The following WNT6 variants were observed in gnomAD, a reference collection of about 807,000 sequenced individuals.
WNT6 encodes Wnt family member 6.
WNT6 carries 27 observed loss-of-function variants against 33.1 expected under a neutral mutation model. That is an observed-to-expected ratio of 0.82 (90% confidence interval 0.60 to 1.12). WNT6 has a LOEUF of 1.12. Ranked by LOEUF, WNT6 falls within the 50% of genes most tolerant of loss-of-function variation. The pLI, the probability that WNT6 is intolerant of heterozygous loss-of-function variation, is 0.00. For missense variants in WNT6, 494 were observed against 535.3 expected, an observed-to-expected ratio of 0.92 and a Z score of 0.76; for synonymous variants, 249 against 242.8, an observed-to-expected ratio of 1.03 and a Z score of -0.24.
At chr2:218,870,045 C>T (rs1213209062) in intron 1 of WNT6, among the ~76,000 whole-genome samples, 1 of 152,028 alleles carries the variant, frequency 6.6e-6, no homozygotes, top group African/African-American at 2.4e-5. Context: ...CATGGTGAAA[C>T]TTGTCTCTAC....
chr2:218,864,938 A>C (rs1164663527), intron 1 of WNT6, among the ~76,000 whole-genome samples: 1 of 152,174 alleles, frequency 6.6e-6, no homozygotes, highest in Non-Finnish European at 1.5e-5. Flanking sequence ...TCCCCCCTCC[A>C]GGCCTCCCGC....
Position 218,873,767 on chromosome 2 carries a change from C to T in WNT6, c.1020C>T (p.Cys340=). 6.3e-7 allele frequency: 1 copy of T among 1,586,372 alleles called. No individual in the cohort carries two copies. The highest frequency in any genetic ancestry group is 8.5e-7 in the Non-Finnish European group (1 of 1,172,536). Residue 340 remains cysteine (C), a synonymous_variant, in exon 4 of 4, where the codon TGC becomes TGT. Transcript: ENST00000233948. The surrounding 1 kb of genome is among the most constrained non-coding windows in gnomAD (Gnocchi z 6.1). ...RQESVQLEEN[C]LCRFHWCCVV... is the part of the protein sequence containing the mutation. The stretch of plus-strand genomic sequence containing the variant: ...AGAGCGTGCAGCTCGAAGAGAACTG[C>T]CTGTGCCGCTTCCACTGGTGCTGCG...
chr2:218,860,047 C>T lies in WNT6; in HGVS notation c.10C>T (p.Pro4Ser). Residue 4 changes from proline (P) to serine (S), a missense_variant, in exon 1 of 4, where the codon CCC (proline) becomes TCC (serine). Transcript: ENST00000233948. ...CCGTAGGGCGGTCACGATGCTGCCG[C>T]CCTTACCCTCCCGCCTCGGGCTGCT... The part of the protein sequence containing the change: MLP[P>S]LPSRLGLLLL... The T allele has an allele frequency of 2.6e-6, 4 of 1,515,748 alleles. No individual in the cohort carries two copies. The highest frequency in any genetic ancestry group is 3.5e-6 in the Non-Finnish European group (4 of 1,137,724). The allele number at this position is 1,515,748 out of a possible 1,614,324, so 93.9% of individuals were successfully genotyped here.
chr2:218,873,564 G>A lies in WNT6; in HGVS notation c.817G>A (p.Val273Ile). The A allele has an allele frequency of 6.5e-7, 1 of 1,538,504 alleles. No individual in the cohort carries two copies. Among genetic ancestry groups the A allele is most frequent in the Non-Finnish European group, 8.7e-7 (1 of 1,146,280 alleles). ...TNDGKALLPA[V>I]RTLKPPGRAD... ...CGACGGCAAGGCCCTGCTGCCCGCC[G>A]TCCGCACGCTCAAGCCGCCGGGCCG... Residue 273 changes from valine (V) to isoleucine (I), a missense_variant, in exon 4 of 4, where the codon GTC becomes ATC. Val to Ile is a conservative substitution (Grantham distance 29). Coordinates refer to ENST00000233948, the MANE Select transcript of WNT6 (RefSeq NM_006522.4). The surrounding 1 kb of genome is among the most constrained non-coding windows in gnomAD (Gnocchi z 6.1).
chr2:218,860,599 G>C (rs1444014465), intron 1 of WNT6, among the ~76,000 whole-genome samples: 2 of 152,184 alleles, frequency 1.3e-5, no homozygotes, highest in Non-Finnish European at 2.9e-5. Context: ...TGACGACAGA[G>C]GGAATATAAA....
chr2:218,862,134 G>T (rs2106001682), intron 1 of WNT6, among the ~76,000 whole-genome samples: 1 of 152,284 alleles, frequency 6.6e-6, no homozygotes, highest in Admixed American at 6.5e-5. Flanking sequence ...GGGAGTGGGG[G>T]AGGAGGTGAC....
chr2:218,864,006 C>T (rs923708333), intron 1 of WNT6, among the ~76,000 whole-genome samples: 1 of 152,316 alleles, frequency 6.6e-6, no homozygotes, highest in African/African-American at 2.4e-5. Flanking sequence ...CCAGGTCATC[C>T]AGCCTATCCT....
rs536807635 is a variant in WNT6, at chr2:218,867,504, C to T, written c.81-3523C>T. Among the ~76,000 whole-genome samples the T allele has an allele frequency of 6.6e-6, 1 of 152,348 alleles. No individual in the cohort carries two copies. The highest frequency in any genetic ancestry group is 2.1e-4 in the South Asian group (1 of 4,832). ...CCAACCATGGTCCTTGGTAGAGAGA[C>T]CTTGGCGCAGGCCAAGCCGGTTAGA... On this transcript the variant is annotated intron_variant, in intron 1 of 3. Coordinates refer to ENST00000233948, the MANE Select transcript of WNT6 (RefSeq NM_006522.4). The surrounding 1 kb of genome is among the most constrained non-coding windows in gnomAD (Gnocchi z 4.9).
chr2:218,863,779 G>C (rs1336321446), intron 1 of WNT6, among the ~76,000 whole-genome samples: 1 of 152,284 alleles, frequency 6.6e-6, no homozygotes, highest in East Asian at 1.9e-4. Flanking sequence ...AACCTGGGAG[G>C]CTGAGGTTGC....
chr2:218,860,213 C>T, intron 1 of WNT6, 96 bp downstream of exon 1: 3 of 1,188,466 alleles, frequency 2.5e-6, no homozygotes, highest in Non-Finnish European at 3.3e-6. Context: ...CCCGGCTCTA[C>T]CTGCTCTCCG....
At chr2:218,869,317 C>T (rs1308813618) in intron 1 of WNT6, among the ~76,000 whole-genome samples, 1 of 152,192 alleles carries the variant, frequency 6.6e-6, no homozygotes, top group Non-Finnish European at 1.5e-5. Context: ...TCCTGTACCA[C>T]CTCTTCAAGC....
In WNT6 at chr2:218,871,689, G is replaced by T. The variant is rs754124545; in HGVS notation, c.506G>T (p.Trp169Leu). The T allele has an allele frequency of 8.9e-6, 14 of 1,576,552 alleles. No homozygotes were observed. Among genetic ancestry groups the T allele is most frequent in the Non-Finnish European group, 1.2e-5 (14 of 1,162,830 alleles). The stretch of plus-strand genomic sequence containing the variant: ...CCGGAAGGCAGCGCCGCCTGGGAGT[G>T]GGGAGGCTGCGGCGACGACGTGGAC... ...GSPEGSAAWEWGGCGDDVDFG... is the reference protein window; with the variant it reads ...GSPEGSAAWELGGCGDDVDFG... Residue 169 changes from tryptophan to leucine, a missense_variant, in exon 3 of 4, where the codon TGG becomes TTG. Coordinates refer to ENST00000233948, the MANE Select transcript of WNT6 (RefSeq NM_006522.4). This position sits in a 1 kb window ranked among gnomAD's most constrained non-coding sequence, Gnocchi z 6.4.
In WNT6 at chr2:218,871,951, C is replaced by G. The variant is rs539590962; in HGVS notation, c.636+132C>G. 2.7e-5 allele frequency: 22 copies of G among 801,430 alleles called. No individual in the cohort carries two copies. Among genetic ancestry groups the G allele is most frequent in the Middle Eastern group, 8.1e-4 (2 of 2,466 alleles). The allele number at this position is 801,430 out of a possible 1,614,324, so 49.6% of individuals were successfully genotyped here. A position where few individuals can be genotyped will look rare whatever the true frequency, so the allele number is the denominator to read the frequency against. On this transcript the variant is annotated intron_variant, in intron 3 of 3. Coordinates refer to ENST00000233948, the MANE Select transcript of WNT6 (RefSeq NM_006522.4). The surrounding 1 kb of genome is among the most constrained non-coding windows in gnomAD (Gnocchi z 6.4). ...GCGTTAATGTGTGGGGGAGTGCGCACGGGCGGAAAGATGGGCTGCAAGCAT... is the reference window on the plus strand; with the variant it reads ...GCGTTAATGTGTGGGGGAGTGCGCAGGGGCGGAAAGATGGGCTGCAAGCAT...
At position 218,871,113 on chromosome 2, in the gene WNT6, A is replaced by G; in HGVS notation, c.167A>G (p.Gln56Arg). The G allele has an allele frequency of 6.2e-7, 1 of 1,613,752 alleles. No homozygotes were observed. The highest frequency in any genetic ancestry group is 8.5e-7 in the Non-Finnish European group (1 of 1,179,936). ...RLAGRQAELC[Q>R]AEPEVVAELA... Reference sequence around the variant, plus strand: ...GCCGGGCGGCAGGCCGAGTTGTGCCAGGCTGAGCCGGAAGTGGTGGCAGAG... The same window carrying G: ...GCCGGGCGGCAGGCCGAGTTGTGCCGGGCTGAGCCGGAAGTGGTGGCAGAG... Residue 56 changes from glutamine to arginine, a missense_variant, in exon 2 of 4, where the codon CAG (glutamine) becomes CGG (arginine). Coordinates refer to ENST00000233948, the MANE Select transcript of WNT6 (RefSeq NM_006522.4). This position sits in a 1 kb window ranked among gnomAD's most constrained non-coding sequence, Gnocchi z 6.4.
rs1192921417 is a variant in WNT6 at position 218,867,264 on chromosome 2, G to T, written c.81-3763G>T. 6.6e-6 allele frequency among the ~76,000 whole-genome samples: 1 copy of T among 152,196 alleles called. No homozygotes were observed. Among genetic ancestry groups the T allele is most frequent in the Non-Finnish European group, 1.5e-5 (1 of 68,042 alleles). ...ATAGGGATCCCTCCACCAGTGGCCA[G>T]AGTCAGTCGCCTCCTGTCTTGCTCA... On this transcript the variant is annotated intron_variant, in intron 1 of 3. Transcript: ENST00000233948. The surrounding 1 kb of genome is among the most constrained non-coding windows in gnomAD (Gnocchi z 4.9).
chr2:218,872,228 G>T (rs1435776637), intron 3 of WNT6, among the ~76,000 whole-genome samples: 1 of 152,180 alleles, frequency 6.6e-6, no homozygotes, highest in African/African-American at 2.4e-5. Flanking sequence ...AGGTGGGGAT[G>T]AAAGACAGGA....
At chr2:218,861,356 A>C (rs896402516) in intron 1 of WNT6, among the ~76,000 whole-genome samples, 1 of 152,218 alleles carries the variant, frequency 6.6e-6, no homozygotes, top group Non-Finnish European at 1.5e-5. Context: ...TTTGAAGCAG[A>C]TAGATCTAAG....
chr2:218,872,846 A>C (rs972863349), intron 3 of WNT6, among the ~76,000 whole-genome samples: 2 of 151,870 alleles, frequency 1.3e-5, no homozygotes, highest in Non-Finnish European at 2.9e-5. Flanking sequence ...TTCGGGCCTG[A>C]GGCATCGGGC....
In WNT6 at chr2:218,873,505, G is replaced by T. The variant is rs1164962396; in HGVS notation, c.758G>T (p.Arg253Leu). The T allele has an allele frequency of 3.9e-6, 6 of 1,538,504 alleles. No homozygotes were observed. In the Admixed American group the frequency reaches 5.9e-5, roughly 15 times the overall value. The change falls in exon 4 of 4, where the codon CGC becomes CTC. Residue 253 changes from arginine (R) to leucine (L), a missense_variant. Transcript: ENST00000233948. This position sits in a 1 kb window ranked among gnomAD's most constrained non-coding sequence, Gnocchi z 6.1. ...GAGGTGGGCGCGCGGCTGCTGGAGC[G>T]CTTCCACGGCGCCTCACGCGTCATG... Reference protein sequence around the residue: ...FREVGARLLERFHGASRVMGT... With the variant: ...FREVGARLLELFHGASRVMGT...
Sources: gnomAD v4.1 joint callset for allele counts (sites outside exome capture counted in the v4.1 genomes callset) on GRCh38, gnomAD v4.1.1 for gene constraint, Gnocchi (gnomAD v3.1) non-coding constraint, MANE v1.5 for transcripts, NCBI Gene and HGNC (gene_info 2026-07-23, HGNC 2026-07-21) for gene names.